COL15A1: variants seen among roughly 807,000 people sequenced by gnomAD.
COL15A1 encodes collagen alpha-1(XV) chain.
In COL15A1, 111 loss-of-function variants were observed where a neutral mutation model predicts 165.9. The ratio of observed to expected loss-of-function variants is 0.67; its 90% CI spans 0.57 to 0.78. The LOEUF (loss-of-function observed/expected upper bound fraction) is 0.78, where lower values mean the gene tolerates loss of function less well. COL15A1 is among the 30% of genes least tolerant of loss of function. The probability of loss-of-function intolerance (pLI) is 0.00; values close to 1 mark genes in which losing one functional copy is unlikely to be tolerated. For synonymous variants in COL15A1, 659 were observed against 674.8 expected, an observed-to-expected ratio of 0.98 and a Z score of 0.36; for missense variants, 1,745 against 1,789.7, an observed-to-expected ratio of 0.98 and a Z score of 0.45.
At chr9:98,989,023 GACACACACACACACACAC>G (rs67974914) in intron 4 of COL15A1, among the ~76,000 whole-genome samples, 137 bp from the exon 5 acceptor site, 17 of 144,392 alleles carry the variant, frequency 1.2e-4, no homozygotes, top group Middle Eastern at 7.0e-3. Context: ...GTCTCTCATA[GACACACACACACACACAC>G]ACACACACAC....
intron 9 of COL15A1, among the ~76,000 whole-genome samples, chr9:99,007,802 A>G (rs938779721): frequency 8.5e-5 from 13 of 152,230 alleles, no homozygotes; most frequent in Non-Finnish European, 2.9e-5. Flanking sequence ...GATTTCAAAA[A>G]TGGGGAAAAA....
At position 98,996,917 on chromosome 9, in the gene COL15A1, A is replaced by G; in HGVS notation, c.805-17A>G. The G allele has an allele frequency of 6.2e-7, 1 of 1,609,900 alleles. No individual in the cohort carries two copies. Among genetic ancestry groups the G allele is most frequent in the Non-Finnish European group, 8.5e-7 (1 of 1,176,878 alleles). On this transcript the variant is annotated splice_polypyrimidine_tract_variant and intron_variant, in intron 5 of 41. Transcript: ENST00000375001. Reference sequence around the variant, plus strand: ...TGCCAAGTAAATCATTTTGCATCTCATTTTTCCTCCCTTCAGCCCAAAGAA... The same window carrying G: ...TGCCAAGTAAATCATTTTGCATCTCGTTTTTCCTCCCTTCAGCCCAAAGAA...
At chr9:99,026,489 A>G (rs376218195) in intron 16 of COL15A1, among the ~76,000 whole-genome samples, 18 of 152,320 alleles carry the variant, frequency 1.2e-4, no homozygotes, top group African/African-American at 4.1e-4. Context: ...TCAAGGGCTC[A>G]ACTGCCTGCA....
At chr9:99,009,883 A>G (rs1838822478) in intron 9 of COL15A1, among the ~76,000 whole-genome samples, 1 of 152,228 alleles carries the variant, frequency 6.6e-6, no homozygotes. Context: ...TTTATTAAGG[A>G]GTGGGTTAAT....
intron 35 of COL15A1, among the ~76,000 whole-genome samples, chr9:99,058,869 C>G (rs1050385570): frequency 6.6e-6 from 1 of 152,134 alleles, no homozygotes; most frequent in South Asian, 2.1e-4. Context: ...TATGTTGGAA[C>G]TGAACATTTG....
chr9:99,067,578 T>C (rs1010019415), intron 40 of COL15A1, among the ~76,000 whole-genome samples: 1 of 152,226 alleles, frequency 6.6e-6, no homozygotes, highest in Non-Finnish European at 1.5e-5. Context: ...GCAGACTCTT[T>C]CAAGGCTATG....
chr9:98,989,384 TC>T (rs1343018949), intron 5 of COL15A1, 126 bp downstream of exon 5: 1 of 739,548 alleles, frequency 1.4e-6, no homozygotes. Flanking sequence ...AATCGTTGAC[TC>T]ATCTGGGGGG....
chr9:99,047,497 T>C (rs1350763308), intron 26 of COL15A1, among the ~76,000 whole-genome samples: 1 of 152,204 alleles, frequency 6.6e-6, no homozygotes, highest in African/African-American at 2.4e-5. Flanking sequence ...TACTGACCTC[T>C]TGCTCCTTAG....
In COL15A1 at chr9:99,029,558, A is replaced by G. The variant is rs1224434713; in HGVS notation, c.2043+3592A>G. On this transcript the variant is annotated intron_variant, in intron 16 of 41. Coordinates refer to ENST00000375001, the MANE Select transcript of COL15A1 (RefSeq NM_001855.5). ...AAATGAAACACTGAAATAGTTGCCT[A>G]ATTTCCTATTTTATATCTTCTTTCA... Among the ~76,000 whole-genome samples the G allele has an allele frequency of 2.0e-5, 3 of 152,332 alleles. No homozygotes were observed. The East Asian group carries it at 5.8e-4, about 29-fold the overall frequency.
At chr9:99,012,830 G>A (rs1483759621) in intron 9 of COL15A1, among the ~76,000 whole-genome samples, 1 of 148,084 alleles carries the variant, frequency 6.8e-6, no homozygotes, top group Non-Finnish European at 1.5e-5. Context: ...TCCTGCCTCA[G>A]CGTCTTGAGT....
At chr9:99,062,415 G>A (rs986931913) in intron 38 of COL15A1, 111 bp downstream of exon 38, 7 of 816,320 alleles carry the variant, frequency 8.6e-6, no homozygotes, top group Admixed American at 3.9e-5. Flanking sequence ...AGCTGTGCAC[G>A]GTTTAGTATC....
intron 24 of COL15A1, among the ~76,000 whole-genome samples, chr9:99,042,398 TG>T (rs1839422461): frequency 6.6e-6 from 1 of 152,334 alleles, no homozygotes; most frequent in African/African-American, 2.4e-5. Context: ...AGGTTCTCTA[TG>T]AGACGAGAAG....
Position 99,036,275 on chromosome 9 carries a change from C to T in COL15A1, c.2326-38C>T, listed in dbSNP as rs144311605. 181 of 1,613,856 alleles carry T rather than the reference C, an allele frequency of 1.1e-4. No homozygotes were observed. In the African/African-American group the frequency reaches 1.5e-3, roughly 13 times the overall value. ...TGGTTCTGGGAGCATTATCGCTGTACAGTGAATTTTTTTCTCACTTCTTGC... is the reference window on the plus strand; with the variant it reads ...TGGTTCTGGGAGCATTATCGCTGTATAGTGAATTTTTTTCTCACTTCTTGC... On this transcript the variant is annotated intron_variant, in intron 20 of 41. Transcript: ENST00000375001.
At chr9:99,044,686 T>C (rs1272860870) in intron 25 of COL15A1, 49 bp from the exon 26 acceptor site, 1 of 1,612,582 alleles carries the variant, frequency 6.2e-7, no homozygotes, top group East Asian at 2.2e-5. Context: ...CAGCTTTGCA[T>C]CTTTGTTTCT....
intron 2 of COL15A1, among the ~76,000 whole-genome samples, chr9:98,982,081 A>G (rs1213704842): frequency 2.6e-5 from 4 of 152,108 alleles, no homozygotes; most frequent in African/African-American, 9.7e-5. Context: ...AATTACAGGC[A>G]TGAGCCACCA....
chr9:98,965,973 G>A (rs1309951869), intron 2 of COL15A1, among the ~76,000 whole-genome samples: 1 of 152,026 alleles, frequency 6.6e-6, no homozygotes. Context: ...CCAATTCCTT[G>A]TCCTCTTGTT....
In COL15A1 at chr9:99,055,222, C is replaced by T. The variant is rs184112696; in HGVS notation, c.3082-40C>T. The T allele has an allele frequency of 8.9e-3, 14,016 of 1,576,506 alleles. 76 individuals carry two copies. The highest frequency in any genetic ancestry group is 0.011 in the Non-Finnish European group (12,382 of 1,145,816). On this transcript the variant is annotated intron_variant, in intron 33 of 41. Transcript: ENST00000375001. Reference sequence around the variant, plus strand: ...GGTTTATGTCAGAGACTGAGTTCATCCCACTCTTACTGAAATATTCCTGTG... The same window carrying T: ...GGTTTATGTCAGAGACTGAGTTCATTCCACTCTTACTGAAATATTCCTGTG...
chr9:99,038,616 G>A, intron 21 of COL15A1, 52 bp from the exon 22 acceptor site: 1 of 1,128,552 alleles, frequency 8.9e-7, no homozygotes, highest in Non-Finnish European at 1.4e-6. Flanking sequence ...CCAGGAACAA[G>A]GCAGAACACA....
chr9:99,035,474 G>A (rs1839285579), intron 19 of COL15A1, 56 bp downstream of exon 19: 1 of 1,609,776 alleles, frequency 6.2e-7, no homozygotes, highest in Admixed American at 1.7e-5. Flanking sequence ...ACACTACAGT[G>A]AGGAAGCTGT....
Sources: gnomAD v4.1 joint callset for allele counts (sites outside exome capture counted in the v4.1 genomes callset) on GRCh38, gnomAD v4.1.1 for gene constraint, MANE v1.5 for transcripts, NCBI Gene and HGNC (gene_info 2026-07-23, HGNC 2026-07-21) for gene names.